Variants in GARNL3 observed in about 807,000 individuals in gnomAD.
GARNL3 encodes GTPase activating Rap/RanGAP domain like 3.
Under a neutral mutation model 125.0 loss-of-function variants are expected in GARNL3, and 63 were observed. The observed-to-expected ratio is 0.50, with a 90% CI of 0.41 to 0.62. The LOEUF (loss-of-function observed/expected upper bound fraction) is 0.62, where lower values mean the gene tolerates loss of function less well. GARNL3 is among the 20% of genes least tolerant of loss of function. The probability of loss-of-function intolerance (pLI) is 0.00; values close to 1 mark genes in which losing one functional copy is unlikely to be tolerated. For missense variants in GARNL3, 994 were observed against 1,244.0 expected, an observed-to-expected ratio of 0.80 and a Z score of 3.02; for synonymous variants, 439 against 457.5, an observed-to-expected ratio of 0.96 and a Z score of 0.52.
chr9:127,378,573 G>C (rs1832063127), intron 22 of GARNL3, among the ~76,000 whole-genome samples: 1 of 110,342 alleles, frequency 9.1e-6, no homozygotes, highest in Non-Finnish European at 1.8e-5. Context: ...GGCAACAAGA[G>C]TGAAACTCCG....
Position 127,390,641 on chromosome 9 carries a change from G to A in GARNL3, c.2744G>A (p.Gly915Asp). The part of the protein sequence containing the change: ...IASRTRRELL[G>D]LSDEGGPKSE... ...CTCTGACCTATGATTCTCAATCCAG[G>A]CCTCTCGGATGAAGGTGGACCCAAG... Residue 915 changes from glycine to aspartate, a missense_variant and splice_region_variant, in exon 27 of 28, where the codon GGC (glycine) becomes GAC (aspartate). Physicochemically the swap from Gly to Asp is moderately conservative, Grantham distance 94 (BLOSUM62 -1). This residue lies in a region of GARNL3 where 728 missense variants were observed against 865.7 expected (regional missense o/e 0.84). Transcript: ENST00000373387. 3.1e-6 allele frequency: 5 copies of A among 1,613,798 alleles called. No homozygotes were observed. Among genetic ancestry groups the A allele is most frequent in the Middle Eastern group, 1.7e-4 (1 of 6,060 alleles).
At chr9:127,380,902 G>A (rs543045801) in intron 22 of GARNL3, among the ~76,000 whole-genome samples, 1 of 152,074 alleles carries the variant, frequency 6.6e-6, no homozygotes, top group African/African-American at 2.4e-5. Context: ...ATTTTTTTGA[G>A]ACAGTCTAGC....
At chr9:127,284,753 A>G (rs1023893978) in intron 1 of GARNL3, among the ~76,000 whole-genome samples, 2 of 148,048 alleles carry the variant, frequency 1.4e-5, no homozygotes, top group African/African-American at 5.0e-5. Flanking sequence ...ATTTATATAA[A>G]TATATGCATA....
At position 127,382,558 on chromosome 9, in the gene GARNL3, G is replaced by T. The variant is rs115993918; in HGVS notation, c.2162-880G>T. 2.7e-3 allele frequency among the ~76,000 whole-genome samples: 412 copies of T among 152,194 alleles called. 3 individuals are homozygous for T. Among genetic ancestry groups the T allele is most frequent in the African/African-American group, 9.3e-3 (388 of 41,520 alleles). The stretch of plus-strand genomic sequence containing the variant: ...GCCTGGGATGGGGAGGCTGCAGTCA[G>T]CTGTAATCATGCCACTGCACTCCAG... On this transcript the variant is annotated intron_variant, in intron 22 of 27. Coordinates refer to ENST00000373387, the MANE Select transcript of GARNL3 (RefSeq NM_032293.5).
At chr9:127,232,166 C>T (rs890062611) in intron 1 of GARNL3, among the ~76,000 whole-genome samples, 4 of 152,196 alleles carry the variant, frequency 2.6e-5, no homozygotes, top group Non-Finnish European at 5.9e-5. Context: ...TCATGATGCT[C>T]TCATGGCCAC....
chr9:127,261,078 A>C (rs1007589434), upstream of GARNL3, among the ~76,000 whole-genome samples: 2 of 152,068 alleles, frequency 1.3e-5, no homozygotes, highest in African/African-American at 4.8e-5. Flanking sequence ...CAACATGGTG[A>C]AACCCCATCT....
intron 2 of GARNL3, among the ~76,000 whole-genome samples, chr9:127,297,726 C>T (rs1209085994): frequency 1.3e-5 from 2 of 152,178 alleles, no homozygotes; most frequent in African/African-American, 4.8e-5. Flanking sequence ...AATGCAGAAT[C>T]CCATTTTTAA....
chr9:127,365,157 G>A (rs1831215170), intron 21 of GARNL3, 143 bp from the exon 22 acceptor site: 1 of 670,510 alleles, frequency 1.5e-6, no homozygotes, highest in African/African-American at 1.8e-5. Context: ...AATGTGCATT[G>A]TGGGTGCTGG....
At chr9:127,343,566 A>G (rs1564160167) in intron 14 of GARNL3, among the ~76,000 whole-genome samples, 1 of 152,254 alleles carries the variant, frequency 6.6e-6, no homozygotes, top group Non-Finnish European at 1.5e-5. Flanking sequence ...TCTGTGCTCC[A>G]CAAGGATAGA....
At chr9:127,246,226 A>C (rs1396676261) in intron 2 of GARNL3, among the ~76,000 whole-genome samples, 2 of 152,228 alleles carry the variant, frequency 1.3e-5, no homozygotes, top group Admixed American at 6.5e-5. Context: ...TCAGTAGGCA[A>C]CTGGATTTCA....
intron 2 of GARNL3, among the ~76,000 whole-genome samples, chr9:127,308,734 A>G (rs769941017): frequency 1.3e-5 from 2 of 152,222 alleles, no homozygotes; most frequent in African/African-American, 2.4e-5. Context: ...TCAATGTTAG[A>G]CTTAGAAAAG....
intron 22 of GARNL3, among the ~76,000 whole-genome samples, chr9:127,380,856 A>C (rs780229033): frequency 6.6e-5 from 10 of 152,194 alleles, no homozygotes; most frequent in Non-Finnish European, 1.3e-4. Context: ...AACCCTGTAA[A>C]TATGCTAAAA....
intron 1 of GARNL3, among the ~76,000 whole-genome samples, chr9:127,232,953 C>T (rs1433046643): frequency 6.6e-6 from 1 of 152,188 alleles, no homozygotes; most frequent in Non-Finnish European, 1.5e-5. Context: ...TGGCTTGTGC[C>T]TGTAATCCCA....
chr9:127,272,660 A>T (rs1483402774), intron 1 of GARNL3, among the ~76,000 whole-genome samples: 1 of 152,078 alleles, frequency 6.6e-6, no homozygotes, highest in Admixed American at 6.5e-5. Context: ...TTGTATTTTT[A>T]GTAGAGACAG....
chr9:127,287,571 G>GC (rs1164420901), intron 1 of GARNL3, among the ~76,000 whole-genome samples: 3 of 152,290 alleles, frequency 2.0e-5, no homozygotes, highest in South Asian at 4.1e-4. Flanking sequence ...AGCCACCACA[G>GC]CCCCCTCTGC....
intron 14 of GARNL3, among the ~76,000 whole-genome samples, chr9:127,343,896 A>G (rs1475888038): frequency 6.6e-6 from 1 of 152,138 alleles, no homozygotes; most frequent in Non-Finnish European, 1.5e-5. Flanking sequence ...GTTGTGTTCC[A>G]GGGGGTGCTG....
chr9:127,255,032 G>A (rs894281560), intron 2 of GARNL3, among the ~76,000 whole-genome samples: 5 of 152,162 alleles, frequency 3.3e-5, no homozygotes, highest in Admixed American at 1.3e-4. Flanking sequence ...GGAGCAACTA[G>A]AATGCATATG....
At chr9:127,262,160 AC>A (rs1473278577), upstream of GARNL3, among the ~76,000 whole-genome samples, 2 of 152,134 alleles carry the variant, frequency 1.3e-5, no homozygotes, top group African/African-American at 4.8e-5. Flanking sequence ...CTATTGCGGC[AC>A]CCCACTGCAA....
chr9:127,377,664 G>A (rs1831993965), intron 22 of GARNL3, among the ~76,000 whole-genome samples: 2 of 152,114 alleles, frequency 1.3e-5, no homozygotes, highest in South Asian at 4.2e-4. Flanking sequence ...GCATGTGCCT[G>A]TAATCCCAGC....
Sources: allele counts gnomAD v4.1 joint callset (sites outside exome capture counted in the v4.1 genomes callset), GRCh38; gene constraint gnomAD v4.1.1; regional missense constraint gnomAD v4.1.1; transcripts MANE v1.5; gene names NCBI Gene and HGNC (gene_info 2026-07-23, HGNC 2026-07-21).